MORC3: variants seen among roughly 807,000 people sequenced by gnomAD.
The protein encoded by MORC3 is MORC family CW-type zinc finger 3.
MORC3 carries 31 observed loss-of-function variants against 109.1 expected under a neutral mutation model. The ratio of observed to expected loss-of-function variants is 0.28; its 90% confidence interval spans 0.21 to 0.38. The LOEUF is 0.38. MORC3 is among the 10% of genes least tolerant of loss of function. The pLI is 1.00. For synonymous variants in MORC3, 395 were observed against 380.7 expected, an observed-to-expected ratio of 1.04 and a Z score of -0.44; for missense variants, 867 against 1,135.8, an observed-to-expected ratio of 0.76 and a Z score of 3.40.
chr21:36,354,927 C>CT (rs375877546), intron 9 of MORC3, among the ~76,000 whole-genome samples: 14 of 152,050 alleles, frequency 9.2e-5, no homozygotes, highest in African/African-American at 1.7e-4. Flanking sequence ...TGCCCTCTAC[C>CT]TTTTTTTTCC....
chr21:36,362,315 G>A (rs1023944514), intron 13 of MORC3, 87 bp downstream of exon 13: 7 of 1,426,698 alleles, frequency 4.9e-6, no homozygotes, highest in Non-Finnish European at 6.7e-6. Context: ...GGCCGAGGCA[G>A]GTGGATCACC....
chr21:36,369,265 G>C lies in MORC3; in HGVS notation c.1897G>C (p.Asp633His). The C allele has an allele frequency of 6.2e-7, 1 of 1,614,128 alleles. No individual in the cohort carries two copies. The highest frequency in any genetic ancestry group is 8.5e-7 in the Non-Finnish European group (1 of 1,180,036). The change falls in exon 15 of 17, where the codon GAC becomes CAC. Residue 633 changes from aspartate (D) to histidine (H), a missense_variant. This residue lies in a region of MORC3 where 486 missense variants were observed against 502.1 expected (regional missense o/e 0.97). Transcript: ENST00000400485. ...AACAAGCACCTCATCATCCCGATGCGACCAGGGAAATACTGCAGCTACCCA... is the reference window on the plus strand; with the variant it reads ...AACAAGCACCTCATCATCCCGATGCCACCAGGGAAATACTGCAGCTACCCA... ...GSTSTSSSRC[D>H]QGNTAATQTE...
chr21:36,344,791 T>C, intron 7 of MORC3, 84 bp downstream of exon 7: 1 of 1,584,844 alleles, frequency 6.3e-7, no homozygotes, highest in Non-Finnish European at 8.6e-7. Flanking sequence ...CTGATAGGGA[T>C]TCTAGTCTGC....
intron 5 of MORC3, among the ~76,000 whole-genome samples, chr21:36,340,231 T>G (rs2085426162): frequency 6.8e-6 from 1 of 146,592 alleles, no homozygotes; most frequent in Non-Finnish European, 1.5e-5. Context: ...TGAGCCGAGA[T>G]AGCACCACTG....
intron 1 of MORC3, among the ~76,000 whole-genome samples, chr21:36,324,099 T>C (rs1601504864): frequency 6.6e-6 from 1 of 152,170 alleles, no homozygotes; most frequent in African/African-American, 2.4e-5. Context: ...GGTCTTGAAC[T>C]TCCGACCTCA....
chr21:36,332,331 G>A (rs145448663), intron 1 of MORC3, among the ~76,000 whole-genome samples: 1 of 152,254 alleles, frequency 6.6e-6, no homozygotes, highest in Non-Finnish European at 1.5e-5. Context: ...AGCAACTCGG[G>A]AGTCTGAGGC....
chr21:36,340,641 T>G (rs868758822), intron 5 of MORC3, among the ~76,000 whole-genome samples: 5 of 149,300 alleles, frequency 3.3e-5, no homozygotes, highest in African/African-American at 1.2e-4. Context: ...TTTCTTTCTT[T>G]TTTTTTTTTT....
chr21:36,334,449 CAGTG>C (rs949607076), intron 2 of MORC3, among the ~76,000 whole-genome samples: 1 of 151,934 alleles, frequency 6.6e-6, no homozygotes, highest in African/African-American at 2.4e-5. Context: ...TAAAAGTAAA[CAGTG>C]AGAATTATGG....
chr21:36,344,296 A>G (rs536614470), intron 6 of MORC3, among the ~76,000 whole-genome samples: 1 of 152,294 alleles, frequency 6.6e-6, no homozygotes, highest in East Asian at 1.9e-4. Context: ...TGATCATACC[A>G]TACGTGCTGT....
chr21:36,367,273 A>G (rs2146338143), intron 14 of MORC3, among the ~76,000 whole-genome samples: 1 of 152,346 alleles, frequency 6.6e-6, no homozygotes, highest in African/African-American at 2.4e-5. Context: ...ACTGGGCTCC[A>G]AGAGAGAAGC....
At position 36,369,020 on chromosome 21, in the gene MORC3, T is replaced by G. The variant is rs773428713; in HGVS notation, c.1652T>G (p.Ile551Ser). ...CGGAGACTTTCTACTCGTTCCTCAA[T>G]TTTGAATGCAAAGAATCGGAGATTG... ...LKRRLSTRSS[I>S]LNAKNRRLSS... Residue 551 changes from isoleucine (I) to serine (S), a missense_variant, in exon 15 of 17, where the codon ATT becomes AGT. Ile to Ser is a moderately radical substitution (Grantham distance 142). Transcript: ENST00000400485. 15 of 1,612,088 alleles carry G rather than the reference T, an allele frequency of 9.3e-6. No homozygotes were observed. The highest frequency in any genetic ancestry group is 1.2e-5 in the Non-Finnish European group (14 of 1,178,584).
intron 1 of MORC3, among the ~76,000 whole-genome samples, chr21:36,329,310 A>G (rs541556801): frequency 9.2e-5 from 14 of 151,990 alleles, no homozygotes; most frequent in African/African-American, 3.1e-4. Flanking sequence ...CAAAAAAAAA[A>G]AAAGAAAGTT....
chr21:36,345,807 T>C (rs537657061), intron 8 of MORC3, among the ~76,000 whole-genome samples: 1 of 152,192 alleles, frequency 6.6e-6, no homozygotes, highest in African/African-American at 2.4e-5. Flanking sequence ...TCCACCCGCC[T>C]CGGTCTCCCA....
In MORC3 at chr21:36,320,276, G is replaced by A. The variant is rs867596535; in HGVS notation, c.12G>A (p.Gln4=). 1.1e-5 allele frequency: 17 copies of A among 1,576,482 alleles called. No homozygotes were observed. The Middle Eastern group carries it at 8.4e-4, about 78-fold the overall frequency. The change falls in exon 1 of 17, where the codon CAG becomes CAA. Residue 4 remains glutamine (Q), a synonymous_variant. Coordinates refer to ENST00000400485, the MANE Select transcript of MORC3 (RefSeq NM_015358.3). ...GTAGCTCGCTCAAGATGGCGGCGCA[G>A]CCACCCCGCGGGATACGCCTCAGCG... The part of the protein sequence containing the change: MAA[Q]PPRGIRLSAL...
At chr21:36,327,399 G>A (rs147706521) in intron 1 of MORC3, among the ~76,000 whole-genome samples, 3 of 150,042 alleles carry the variant, frequency 2.0e-5, no homozygotes, top group Non-Finnish European at 4.4e-5. Context: ...TGTTCTGCCC[G>A]CCTCAGCCTC....
At chr21:36,357,879 T>C (rs1041189180) in intron 10 of MORC3, among the ~76,000 whole-genome samples, 14 of 151,646 alleles carry the variant, frequency 9.2e-5, no homozygotes, top group Admixed American at 2.6e-4. Flanking sequence ...GAGCTGGGAC[T>C]ACAGGCGTGT....
intron 1 of MORC3, among the ~76,000 whole-genome samples, chr21:36,332,397 C>T (rs1043591636): frequency 2.0e-5 from 3 of 152,128 alleles, no homozygotes; most frequent in Non-Finnish European, 4.4e-5. Flanking sequence ...AATTGTGCCA[C>T]TGCGTTACAG....
intron 9 of MORC3, among the ~76,000 whole-genome samples, chr21:36,350,050 A>G (rs1390338696): frequency 6.6e-6 from 1 of 152,218 alleles, no homozygotes; most frequent in Non-Finnish European, 1.5e-5. Context: ...CTTTCCTGTA[A>G]TCTTAGCACT....
intron 16 of MORC3, 27 bp downstream of exon 16, chr21:36,372,558 G>C: frequency 6.4e-7 from 1 of 1,552,716 alleles, no homozygotes; most frequent in Non-Finnish European, 8.6e-7. Flanking sequence ...CGTTTTTGTG[G>C]GGCTGCAATT....
Sources: allele counts gnomAD v4.1 joint callset (sites outside exome capture counted in the v4.1 genomes callset), GRCh38; gene constraint gnomAD v4.1.1; regional missense constraint gnomAD v4.1.1; transcripts MANE v1.5; gene names NCBI Gene and HGNC (gene_info 2026-07-23, HGNC 2026-07-21).